Variants in PCDH9 observed in about 807,000 individuals in gnomAD.
The protein encoded by PCDH9 is protocadherin-9.
PCDH9 carries 24 observed loss-of-function variants against 70.6 expected under a neutral mutation model. The observed-to-expected ratio is 0.34, with a 90% CI of 0.25 to 0.48. PCDH9 has a LOEUF of 0.48. Ranked by LOEUF, PCDH9 falls within the 20% of genes least tolerant of loss-of-function variation. The probability of loss-of-function intolerance (pLI) is 0.99; values close to 1 mark genes in which losing one functional copy is unlikely to be tolerated. For missense variants in PCDH9, 1,281 were observed against 1,503.6 expected (o/e 0.85, Z 2.45); for synonymous variants, 562 against 558.5 (o/e 1.01, Z -0.09).
At chr13:66,880,677 G>A (rs969753954) in intron 3 of PCDH9, among the ~76,000 whole-genome samples, 5 of 152,066 alleles carry the variant, frequency 3.3e-5, no homozygotes, top group Non-Finnish European at 7.4e-5. Flanking sequence ...TTAGGTCTAT[G>A]CAAGAAAAAG....
intron 3 of PCDH9, among the ~76,000 whole-genome samples, chr13:66,656,198 C>A (rs187474677): frequency 7.9e-5 from 12 of 151,708 alleles, no homozygotes; most frequent in Admixed American, 1.3e-4. Context: ...GAGCCTGTTA[C>A]TGAACAAAGT....
intron 4 of PCDH9, among the ~76,000 whole-genome samples, chr13:66,371,883 C>T (rs556627783): frequency 2.6e-4 from 39 of 152,142 alleles, no homozygotes; most frequent in Middle Eastern, 6.8e-3. Context: ...CTCTTCCCTG[C>T]AGAGAAAAGC....
At chr13:66,529,572 A>G (rs983580233) in intron 4 of PCDH9, among the ~76,000 whole-genome samples, 3 of 152,124 alleles carry the variant, frequency 2.0e-5, no homozygotes, top group Non-Finnish European at 2.9e-5. Flanking sequence ...GATTGCCTCT[A>G]GAATGTTGAA....
chr13:66,701,033 G>T (rs998932163), intron 3 of PCDH9, among the ~76,000 whole-genome samples: 1 of 142,062 alleles, frequency 7.0e-6, no homozygotes, highest in Admixed American at 7.4e-5. Flanking sequence ...ATATTTCAAG[G>T]TTTTAACAGA....
At chr13:66,560,306 G>A (rs1330357386) in intron 4 of PCDH9, among the ~76,000 whole-genome samples, 1 of 152,044 alleles carries the variant, frequency 6.6e-6, no homozygotes, top group Non-Finnish European at 1.5e-5. Flanking sequence ...GACTGCATGG[G>A]AAGGGGGAGG....
At chr13:67,069,989 T>G (rs2085728643) in intron 2 of PCDH9, among the ~76,000 whole-genome samples, 1 of 151,734 alleles carries the variant, frequency 6.6e-6, no homozygotes, top group Admixed American at 6.6e-5. Context: ...TCATATACAG[T>G]ATTTCAAAAT....
At chr13:66,320,533 G>C (rs547825944) in intron 4 of PCDH9, among the ~76,000 whole-genome samples, 1 of 151,774 alleles carries the variant, frequency 6.6e-6, no homozygotes, top group Non-Finnish European at 1.5e-5. Context: ...AATTGGCTTC[G>C]GTTCAAAATC....
At chr13:66,927,829 C>T (rs1463479132) in intron 2 of PCDH9, among the ~76,000 whole-genome samples, 1 of 152,110 alleles carries the variant, frequency 6.6e-6, no homozygotes, top group African/African-American at 2.4e-5. Context: ...CAAATACAGT[C>T]AGCTTCTGAG....
intron 2 of PCDH9, among the ~76,000 whole-genome samples, chr13:67,132,584 C>A (rs1174487286): frequency 6.6e-6 from 1 of 151,844 alleles, no homozygotes. Context: ...TAGTTCATAG[C>A]AACAATGGCA....
intron 4 of PCDH9, among the ~76,000 whole-genome samples, chr13:66,584,254 T>TTATATCA (rs1451735921): frequency 5.3e-5 from 8 of 152,178 alleles, no homozygotes; most frequent in African/African-American, 1.9e-4. Flanking sequence ...CTTACAAGTT[T>TTATATCA]TATATCATAT....
intron 4 of PCDH9, among the ~76,000 whole-genome samples, chr13:66,601,554 T>C (rs2077165739): frequency 6.8e-6 from 1 of 146,482 alleles, no homozygotes; most frequent in African/African-American, 2.5e-5. Flanking sequence ...GTAAGTAATT[T>C]CATTGTACTA....
intron 4 of PCDH9, among the ~76,000 whole-genome samples, chr13:66,508,937 A>C (rs549451805): frequency 4.6e-5 from 7 of 152,318 alleles, no homozygotes; most frequent in African/African-American, 1.7e-4. Flanking sequence ...CATGAGAAAG[A>C]CTTCTCGGGA....
chr13:66,646,613 G>GA (rs894939807), intron 3 of PCDH9, among the ~76,000 whole-genome samples: 10 of 151,932 alleles, frequency 6.6e-5, no homozygotes, highest in African/African-American at 2.2e-4. Flanking sequence ...TATCTGCTCA[G>GA]AAAAAAATAC....
At chr13:67,167,907 C>T (rs1018589780) in intron 2 of PCDH9, among the ~76,000 whole-genome samples, 1 of 152,108 alleles carries the variant, frequency 6.6e-6, no homozygotes, top group Non-Finnish European at 1.5e-5. Flanking sequence ...TAATCAGAAA[C>T]CATGTTTCCC....
At chr13:66,598,831 G>A (rs1226731652) in intron 4 of PCDH9, among the ~76,000 whole-genome samples, 1 of 151,792 alleles carries the variant, frequency 6.6e-6, no homozygotes, top group Non-Finnish European at 1.5e-5. Context: ...GAGAGAATGA[G>A]CTCATATATT....
At chr13:66,581,106 C>G (rs1009179704) in intron 4 of PCDH9, among the ~76,000 whole-genome samples, 1 of 152,076 alleles carries the variant, frequency 6.6e-6, no homozygotes, top group East Asian at 1.9e-4. Flanking sequence ...TAAACTTTAC[C>G]ATAAAATGAG....
At chr13:66,927,844 T>C (rs529314696) in intron 2 of PCDH9, among the ~76,000 whole-genome samples, 8 of 152,144 alleles carry the variant, frequency 5.3e-5, no homozygotes, top group Non-Finnish European at 1.0e-4. Flanking sequence ...TCTGAGGTAC[T>C]TGGGGTCAAA....
intron 2 of PCDH9, among the ~76,000 whole-genome samples, chr13:67,040,008 A>AG (rs1358397169): frequency 6.6e-6 from 1 of 152,208 alleles, no homozygotes; most frequent in East Asian, 1.9e-4. Flanking sequence ...GAAAAAAAAA[A>AG]CAAGCATTTG....
chr13:67,021,858 C>T (rs140992419), intron 2 of PCDH9, among the ~76,000 whole-genome samples: 1,798 of 151,842 alleles, frequency 0.012, 17 homozygotes, highest in Middle Eastern at 0.017. Flanking sequence ...CCATGCCTGG[C>T]GATAGTGTAA....
Sources: allele counts gnomAD v4.1 joint callset (sites outside exome capture counted in the v4.1 genomes callset), GRCh38; gene constraint gnomAD v4.1.1; transcripts MANE v1.5; gene names NCBI Gene and HGNC (gene_info 2026-07-23, HGNC 2026-07-21).